AHCYL2: variants seen among roughly 807,000 people sequenced by gnomAD.
AHCYL2 encodes S-adenosylhomocysteine hydrolase-like protein 2.
Under a neutral mutation model 81.4 loss-of-function variants are expected in AHCYL2, and 28 were observed. That is an observed-to-expected ratio of 0.34 (90% CI 0.25 to 0.47). AHCYL2 has a LOEUF of 0.47. Ranked by LOEUF, AHCYL2 falls within the 20% of genes least tolerant of loss-of-function variation. The pLI, the probability that AHCYL2 is intolerant of heterozygous loss-of-function variation, is 1.00. For synonymous variants in AHCYL2, 272 were observed against 290.2 expected (o/e 0.94, Z 0.64); for missense variants, 551 against 785.1 (o/e 0.70, Z 3.56).
chr7:129,356,127 A>G (rs1486196810), intron 1 of AHCYL2, among the ~76,000 whole-genome samples: 1 of 152,174 alleles, frequency 6.6e-6, no homozygotes, highest in Non-Finnish European at 1.5e-5. Flanking sequence ...CTTCCTTTAT[A>G]TGATTTCTCA....
chr7:129,390,427 G>C (rs1167822912), intron 4 of AHCYL2, among the ~76,000 whole-genome samples: 1 of 152,160 alleles, frequency 6.6e-6, no homozygotes, highest in Non-Finnish European at 1.5e-5. Flanking sequence ...CTGAGAGACA[G>C]CTATAAATTC....
At chr7:129,337,687 CT>C (rs1168130621) in intron 1 of AHCYL2, among the ~76,000 whole-genome samples, 1 of 152,126 alleles carries the variant, frequency 6.6e-6, no homozygotes, top group Non-Finnish European at 1.5e-5. Context: ...GTGTGAACCA[CT>C]GTGCCCGTCC....
intron 1 of AHCYL2, among the ~76,000 whole-genome samples, chr7:129,279,227 C>T (rs1209752582): frequency 2.0e-5 from 3 of 150,976 alleles, no homozygotes; most frequent in Non-Finnish European, 4.4e-5. Flanking sequence ...TTTTATTTCT[C>T]TCAGAAGTGT....
chr7:129,358,865 G>A (rs1225668063), intron 1 of AHCYL2, among the ~76,000 whole-genome samples: 1 of 152,040 alleles, frequency 6.6e-6, no homozygotes, highest in Non-Finnish European at 1.5e-5. Context: ...AAATGACAGA[G>A]GCCAAGGATC....
intron 1 of AHCYL2, among the ~76,000 whole-genome samples, chr7:129,319,893 T>C (rs1584779097): frequency 1.3e-5 from 2 of 152,144 alleles, no homozygotes; most frequent in South Asian, 2.1e-4. Context: ...TCTTTGTATA[T>C]ACATATGCTT....
chr7:129,278,245 T>C (rs1389196635), intron 1 of AHCYL2, among the ~76,000 whole-genome samples: 2 of 152,166 alleles, frequency 1.3e-5, no homozygotes, highest in African/African-American at 2.4e-5. Context: ...TTTTATTTTA[T>C]TTTTTATTTT....
intron 1 of AHCYL2, among the ~76,000 whole-genome samples, chr7:129,274,333 C>A (rs1796122804): frequency 6.6e-6 from 1 of 152,146 alleles, no homozygotes; most frequent in African/African-American, 2.4e-5. Context: ...ATCTGAGGAG[C>A]CTCAACCACA....
intron 11 of AHCYL2, among the ~76,000 whole-genome samples, chr7:129,411,574 A>G (rs1017874701): frequency 1.3e-5 from 2 of 152,038 alleles, no homozygotes; most frequent in African/African-American, 4.8e-5. Flanking sequence ...AGCCTGGCCA[A>G]CATGGTGAAA....
At chr7:129,336,482 A>T (rs7799667) in intron 1 of AHCYL2, among the ~76,000 whole-genome samples, 2,042 of 152,256 alleles carry the variant, frequency 0.013, 44 homozygotes, top group African/African-American at 0.046. Context: ...CTTAATCCAG[A>T]TAGTAATAAC....
intron 10 of AHCYL2, among the ~76,000 whole-genome samples, chr7:129,407,863 G>A (rs2150943391): frequency 6.6e-6 from 1 of 152,326 alleles, no homozygotes; most frequent in African/African-American, 2.4e-5. Flanking sequence ...GAAGAGCAAG[G>A]GAGCAGGGTA....
intron 1 of AHCYL2, among the ~76,000 whole-genome samples, chr7:129,364,599 C>T (rs1039653961): frequency 3.9e-5 from 6 of 152,138 alleles, no homozygotes; most frequent in African/African-American, 1.4e-4. Flanking sequence ...CTTCTTTTAC[C>T]TTTTCTTTTT....
At chr7:129,422,988 A>G (rs1185586597) in intron 13 of AHCYL2, 50 bp downstream of exon 13, 5 of 1,520,394 alleles carry the variant, frequency 3.3e-6, no homozygotes, top group Non-Finnish European at 3.6e-6. Context: ...AGAGACTGCA[A>G]TACCCAGGTC....
intron 1 of AHCYL2, among the ~76,000 whole-genome samples, chr7:129,307,303 C>G (rs1183762277): frequency 6.6e-6 from 1 of 152,174 alleles, no homozygotes; most frequent in Middle Eastern, 3.2e-3. Flanking sequence ...TGCAGCTATG[C>G]TGGCAGTGAA....
In AHCYL2 at chr7:129,251,317, A is replaced by ATT. The variant is rs3042851; in HGVS notation, c.363+25902_363+25903dup. Among the ~76,000 whole-genome samples, 155 of 119,482 alleles carry ATT rather than the reference A, an allele frequency of 1.3e-3. 1 individual carries two copies. The highest frequency in any genetic ancestry group is 4.6e-3 in the African/African-American group (146 of 31,900). The allele number at this position is 119,482 out of a possible 152,430, so 78.4% of individuals were successfully genotyped here. The stretch of plus-strand genomic sequence containing the variant: ...TGTTAACAGCTGGCAGATAGTAAAG[A>ATT]TTTTTTTTTTTTTTTTTTTTTTTTT... On this transcript the variant is annotated intron_variant, in intron 1 of 16. Coordinates refer to ENST00000325006, the MANE Select transcript of AHCYL2 (RefSeq NM_015328.4).
chr7:129,339,539 A>G (rs1395357744), intron 1 of AHCYL2, among the ~76,000 whole-genome samples: 1 of 151,746 alleles, frequency 6.6e-6, no homozygotes, highest in Non-Finnish European at 1.5e-5. Context: ...CATTCTGGGG[A>G]CTATTTTTTG....
At chr7:129,352,937 C>CTTTTTTTTTTTT (rs59762582) in intron 1 of AHCYL2, among the ~76,000 whole-genome samples, 3 of 82,556 alleles carry the variant, frequency 3.6e-5, no homozygotes, top group African/African-American at 4.5e-5. Flanking sequence ...CCTCCTCATT[C>CTTTTTTTTTTTT]TTTTTTTTTT....
intron 1 of AHCYL2, among the ~76,000 whole-genome samples, chr7:129,298,261 A>G (rs1393367457): frequency 1.3e-5 from 2 of 152,186 alleles, no homozygotes; most frequent in Admixed American, 6.5e-5. Flanking sequence ...CCTATTTCTG[A>G]TTCCTTAGTG....
chr7:129,405,244 T>G, intron 8 of AHCYL2, 31 bp downstream of exon 8: 1 of 1,525,064 alleles, frequency 6.6e-7, no homozygotes, highest in Non-Finnish European at 9.0e-7. Context: ...GATGAAGTTG[T>G]GATGTCCAGT....
At chr7:129,409,107 C>T (rs1382977516) in intron 10 of AHCYL2, among the ~76,000 whole-genome samples, 1 of 151,394 alleles carries the variant, frequency 6.6e-6, no homozygotes, top group Admixed American at 6.6e-5. Context: ...AAAACACACA[C>T]AGTTAAGAGT....
Sources: gnomAD v4.1 joint callset for allele counts (sites outside exome capture counted in the v4.1 genomes callset) on GRCh38, gnomAD v4.1.1 for gene constraint, MANE v1.5 for transcripts, NCBI Gene and HGNC (gene_info 2026-07-23, HGNC 2026-07-21) for gene names.